Variants in TTLL1 observed in about 807,000 individuals in gnomAD.
The protein encoded by TTLL1 is polyglutamylase complex subunit TTLL1.
A neutral mutation model predicts 47.8 loss-of-function variants in TTLL1; 33 were observed. The observed-to-expected ratio is 0.69, with a 90% confidence interval of 0.52 to 0.92. TTLL1 has a LOEUF of 0.92. Among genes scored for constraint, TTLL1 ranks in the 40% least tolerant of loss-of-function variants. TTLL1 has a pLI of 0.00. For synonymous variants in TTLL1, 225 were observed against 214.1 expected (o/e 1.05, Z -0.45); for missense variants, 488 against 547.5 (o/e 0.89, Z 1.08).
chr22:43,060,229 C>T (rs533501301), intron 7 of TTLL1, among the ~76,000 whole-genome samples: 1 of 152,308 alleles, frequency 6.6e-6, no homozygotes, highest in East Asian at 1.9e-4. Flanking sequence ...CCTTCAAGAC[C>T]AAGGCACTCA....
intron 1 of TTLL1, among the ~76,000 whole-genome samples, chr22:43,080,713 T>G (rs1276438391): frequency 6.8e-6 from 1 of 146,884 alleles, no homozygotes; most frequent in African/African-American, 2.5e-5. Context: ...GGTCACTCCC[T>G]CCACAGAGAG....
intron 10 of TTLL1, among the ~76,000 whole-genome samples, chr22:43,040,599 C>T (rs1925594396): frequency 6.6e-6 from 1 of 152,298 alleles, no homozygotes; most frequent in African/African-American, 2.4e-5. Context: ...GTGCCCACCA[C>T]CACACCCAGC....
At position 43,075,578 on chromosome 22, in the gene TTLL1, C is replaced by T; in HGVS notation, c.9G>A (p.Gly3=). Residue 3 remains glycine (G), a synonymous_variant, in exon 3 of 11, where the codon GGG becomes GGA. Transcript: ENST00000266254. ...CGATATCAGTGACCCATTTTACTTT[C>T]CCTGCCATAATCCTGGAAGAGATCA... MA[G]KVKWVTDIEK... The T allele has an allele frequency of 2.5e-6, 4 of 1,614,140 alleles. No individual in the cohort carries two copies. Among genetic ancestry groups the T allele is most frequent in the Non-Finnish European group, 3.4e-6 (4 of 1,179,980 alleles).
intron 8 of TTLL1, among the ~76,000 whole-genome samples, chr22:43,055,724 T>C (rs1022093480): frequency 9.9e-5 from 15 of 151,972 alleles, no homozygotes; most frequent in Non-Finnish European, 2.1e-4. Context: ...TCCTCCTGTC[T>C]CAGTCTCCCA....
chr22:43,069,881 T>A (rs199772701), intron 3 of TTLL1, 37 bp from the exon 4 acceptor site: 2 of 1,610,346 alleles, frequency 1.2e-6, no homozygotes, highest in Non-Finnish European at 1.7e-6. Context: ...TTGGCAGTGA[T>A]GTCTGTGTGG....
At chr22:43,074,803 G>A (rs1928373846) in intron 3 of TTLL1, among the ~76,000 whole-genome samples, 1 of 152,152 alleles carries the variant, frequency 6.6e-6, no homozygotes, top group African/African-American at 2.4e-5. Flanking sequence ...ACTTTGGGAG[G>A]CCGAGATGGG....
At chr22:43,043,092 C>A (rs1403069339) in intron 10 of TTLL1, among the ~76,000 whole-genome samples, 3 of 151,976 alleles carry the variant, frequency 2.0e-5, no homozygotes, top group African/African-American at 4.8e-5. Flanking sequence ...AGGTGCCCAC[C>A]ACCACGCCCG....
rs200492293 is a variant in TTLL1 at position 43,059,371 on chromosome 22, G to A, written c.891+13C>T. ...GCCCTGGGAGCCGGCTCCCCCGCCC[G>A]CACCAAACTCACCGCCACAGCCTTC... On this transcript the variant is annotated intron_variant, in intron 8 of 10. Transcript: ENST00000266254. 1.3e-4 allele frequency: 204 copies of A among 1,602,786 alleles called. No homozygotes were observed. The African/African-American group carries it at 1.9e-3, about 15-fold the overall frequency.
intron 3 of TTLL1, 128 bp downstream of exon 3, chr22:43,075,346 T>C (rs1928412797): frequency 1.3e-5 from 10 of 775,956 alleles, no homozygotes; most frequent in Middle Eastern, 3.1e-4. Flanking sequence ...TAAGGAAAAA[T>C]GTGTGCGGGG....
chr22:43,040,709 T>A (rs559266425), intron 10 of TTLL1, among the ~76,000 whole-genome samples: 86 of 152,288 alleles, frequency 5.6e-4, no homozygotes, highest in African/African-American at 1.7e-3. Context: ...CCTCCCAAAG[T>A]GCTGGGATGA....
At chr22:43,059,323 C>CA in intron 8 of TTLL1, 61 bp downstream of exon 8, 1 of 1,554,910 alleles carries the variant, frequency 6.4e-7, no homozygotes, top group Non-Finnish European at 8.7e-7. Context: ...AGAAAGACAG[C>CA]AAGCCCCCCC....
chr22:43,048,472 C>CAAA (rs35821474), intron 9 of TTLL1, among the ~76,000 whole-genome samples: 1 of 131,544 alleles, frequency 7.6e-6, no homozygotes. Flanking sequence ...CCATCTCTAC[C>CAAA]AAAAAAAAAA....
chr22:43,062,269 G>T (rs1055282341), intron 7 of TTLL1, among the ~76,000 whole-genome samples: 1 of 152,150 alleles, frequency 6.6e-6, no homozygotes, highest in Non-Finnish European at 1.5e-5. Context: ...GAGGAGGGTG[G>T]ATCACGAGGT....
Position 43,049,158 on chromosome 22 carries a change from G to A in TTLL1, c.979-2585C>T, listed in dbSNP as rs117563882. Among the ~76,000 whole-genome samples, 716 of 151,742 alleles carry A rather than the reference G, an allele frequency of 4.7e-3. 11 individuals carry two copies. The highest frequency in any genetic ancestry group is 0.037 in the East Asian group (189 of 5,160). The stretch of plus-strand genomic sequence containing the variant: ...AAAAAAAAAAAAAAGGCTGGGAGCA[G>A]TTGCTCACACTTGTAATTCCAGCAC... On this transcript the variant is annotated intron_variant, in intron 9 of 10. Coordinates refer to ENST00000266254, the MANE Select transcript of TTLL1 (RefSeq NM_012263.5).
intron 1 of TTLL1, among the ~76,000 whole-genome samples, chr22:43,088,459 C>G (rs973880221): frequency 4.0e-5 from 6 of 150,690 alleles, no homozygotes; most frequent in Non-Finnish European, 8.9e-5. Flanking sequence ...GCCTCAGCCT[C>G]CCGAGTAGCT....
At position 43,069,779 on chromosome 22, in the gene TTLL1, T is replaced by A; in HGVS notation, c.179A>T (p.Gln60Leu). Residue 60 changes from glutamine to leucine, a missense_variant, in exon 4 of 11, where the codon CAA becomes CTA. Coordinates refer to ENST00000266254, the MANE Select transcript of TTLL1 (RefSeq NM_012263.5). ...GTGGTTTGGAAAATGGTTGACTATTTGGTCATCTGAGAGCCGATATCCAGC... is the reference window on the plus strand; with the variant it reads ...GTGGTTTGGAAAATGGTTGACTATTAGGTCATCTGAGAGCCGATATCCAGC... ...VEAGYRLSDD[Q>L]IVNHFPNHYE... 4.3e-6 allele frequency: 7 copies of A among 1,614,234 alleles called. No homozygotes were observed. The highest frequency in any genetic ancestry group is 5.9e-6 in the Non-Finnish European group (7 of 1,180,038).
At chr22:43,085,130 C>A (rs796310504) in intron 1 of TTLL1, among the ~76,000 whole-genome samples, 27 of 152,106 alleles carry the variant, frequency 1.8e-4, no homozygotes, top group African/African-American at 6.0e-4. Flanking sequence ...GCGCATGCCA[C>A]CATGCCCGGC....
intron 1 of TTLL1, among the ~76,000 whole-genome samples, chr22:43,086,480 A>G (rs1929236196): frequency 6.6e-6 from 1 of 152,142 alleles, no homozygotes; most frequent in Non-Finnish European, 1.5e-5. Context: ...TATCAGGGCC[A>G]CTGGTGGTCT....
At chr22:43,077,806 G>A (rs1191493475) in intron 2 of TTLL1, among the ~76,000 whole-genome samples, 1 of 152,072 alleles carries the variant, frequency 6.6e-6, no homozygotes, top group Non-Finnish European at 1.5e-5. Context: ...TTCACACGTT[G>A]TACTTAAGAC....
Sources: allele counts gnomAD v4.1 joint callset (sites outside exome capture counted in the v4.1 genomes callset), GRCh38; gene constraint gnomAD v4.1.1; transcripts MANE v1.5; gene names NCBI Gene and HGNC (gene_info 2026-07-23, HGNC 2026-07-21).